The following CXCL13 variants were observed in gnomAD, a reference collection of about 807,000 sequenced individuals.
CXCL13 encodes the protein C-X-C motif chemokine ligand 13.
CXCL13 carries 7 observed loss-of-function variants against 12.2 expected under a neutral mutation model. That is an observed-to-expected ratio of 0.57 (90% CI 0.33 to 1.07). The LOEUF (loss-of-function observed/expected upper bound fraction) is 1.07, where lower values mean the gene tolerates loss of function less well. CXCL13 is among the 50% of genes least tolerant of loss of function. CXCL13 has a pLI of 0.04. For synonymous variants in CXCL13, 47 were observed against 42.4 expected (o/e 1.11, Z -0.42); for missense variants, 113 against 127.4 (o/e 0.89, Z 0.55).
intron 1 of CXCL13, among the ~76,000 whole-genome samples, chr4:77,565,121 C>T (rs1287189815): frequency 6.6e-6 from 1 of 152,198 alleles, no homozygotes; most frequent in Non-Finnish European, 1.5e-5. Flanking sequence ...AATGGAGGGG[C>T]TCAGGCTCCT....
intron 1 of CXCL13, among the ~76,000 whole-genome samples, chr4:77,568,213 C>T (rs990682368): frequency 6.6e-6 from 1 of 152,222 alleles, no homozygotes; most frequent in African/African-American, 2.4e-5. Flanking sequence ...AGATTCAACT[C>T]ACTATCCTTT....
At chr4:77,564,800 G>C (rs1037961501) in intron 1 of CXCL13, among the ~76,000 whole-genome samples, 4 of 152,202 alleles carry the variant, frequency 2.6e-5, no homozygotes, top group African/African-American at 9.7e-5. Context: ...TGATGGAGCA[G>C]ATATTGTGCG....
chr4:77,611,172 A>G lies in CXCL13; in HGVS notation c.*133A>G, dbSNP rs1727143928. 1.3e-6 allele frequency: 1 copy of G among 743,248 alleles called. No individual in the cohort carries two copies. The highest frequency in any genetic ancestry group is 1.8e-5 in the African/African-American group (1 of 57,102). 46.0% of individuals were successfully genotyped at this position (743,248 alleles called of 1,614,324 possible). The stretch of plus-strand genomic sequence containing the variant: ...AATAAGCATGAGACTATGTAAAAAT[A>G]ACCTTGCAGAAGCTGATGGGGCAAA... On this transcript the variant is annotated 3_prime_UTR_variant, in exon 4 of 4. Transcript: ENST00000682537.
intron 1 of CXCL13, among the ~76,000 whole-genome samples, chr4:77,515,700 A>T (rs1228286033): frequency 2.0e-5 from 3 of 151,552 alleles, no homozygotes; most frequent in African/African-American, 7.2e-5. Context: ...GCTTAAGAAG[A>T]TTTTGGGCTG....
At chr4:77,560,073 G>A (rs1725770185) in intron 1 of CXCL13, among the ~76,000 whole-genome samples, 1 of 151,398 alleles carries the variant, frequency 6.6e-6, no homozygotes, top group Non-Finnish European at 1.5e-5. Context: ...TTTTTTGTTG[G>A]TCTTTCTTTT....
At chr4:77,545,374 C>T (rs1440256912) in intron 1 of CXCL13, among the ~76,000 whole-genome samples, 1 of 152,174 alleles carries the variant, frequency 6.6e-6, no homozygotes, top group African/African-American at 2.4e-5. Flanking sequence ...TCTTCCTACC[C>T]ATGAGCATGG....
rs892446980 is a variant in CXCL13 at position 77,574,385 on chromosome 4, A to C, written c.-42-31439A>C. Among the ~76,000 whole-genome samples the C allele has an allele frequency of 3.3e-5, 5 of 151,828 alleles. 1 individual carries two copies. Among genetic ancestry groups the C allele is most frequent in the African/African-American group, 1.2e-4 (5 of 41,118 alleles). On this transcript the variant is annotated intron_variant, in intron 1 of 4. Transcript: ENST00000286758. ...TTGAAAGTGGACAGGTCTGTCTCAAAATCTACGGCCGTCCTATATTTTGTA... is the reference window on the plus strand; with the variant it reads ...TTGAAAGTGGACAGGTCTGTCTCAACATCTACGGCCGTCCTATATTTTGTA...
At chr4:77,567,194 C>T (rs1243455799) in intron 1 of CXCL13, among the ~76,000 whole-genome samples, 1 of 152,124 alleles carries the variant, frequency 6.6e-6, no homozygotes, top group Non-Finnish European at 1.5e-5. Context: ...CCCCTGCCCA[C>T]AAAAAAATTG....
intron 1 of CXCL13, among the ~76,000 whole-genome samples, chr4:77,558,643 G>A (rs985416413): frequency 7.9e-5 from 12 of 152,166 alleles, no homozygotes; most frequent in Admixed American, 6.5e-5. Context: ...ATGCGCCACC[G>A]CACTCAGCTG....
intron 1 of CXCL13, among the ~76,000 whole-genome samples, chr4:77,544,555 T>A (rs1189315543): frequency 6.6e-6 from 1 of 152,210 alleles, no homozygotes; most frequent in East Asian, 1.9e-4. Context: ...TTCTGAGAAG[T>A]GTCTGTTCAT....
intron 1 of CXCL13, among the ~76,000 whole-genome samples, chr4:77,550,106 C>G (rs1417186643): frequency 6.6e-6 from 1 of 152,226 alleles, no homozygotes; most frequent in Non-Finnish European, 1.5e-5. Flanking sequence ...AACTGCTGTG[C>G]TAGCAGTGAG....
chr4:77,531,125 A>ATTG (rs2054540098), intron 1 of CXCL13, among the ~76,000 whole-genome samples: 2 of 146,984 alleles, frequency 1.4e-5, no homozygotes, highest in Middle Eastern at 3.6e-3. Context: ...TATTATTATT[A>ATTG]TTATTATCAT....
chr4:77,523,190 G>C lies in CXCL13; in HGVS notation c.-43+11402G>C, dbSNP rs183191600. On this transcript the variant is annotated intron_variant, in intron 1 of 4. Transcript: ENST00000286758. ...GTGAATCTGACAATTATTTGTCTTG[G>C]GGTTGCTTTTCTCAAGGAATATCTT... Among the ~76,000 whole-genome samples, 436 of 152,120 alleles carry C rather than the reference G, an allele frequency of 2.9e-3. 4 individuals are homozygous for C. The highest frequency in any genetic ancestry group is 9.4e-3 in the African/African-American group (390 of 41,500).
At chr4:77,573,835 T>G (rs906429660) in intron 1 of CXCL13, among the ~76,000 whole-genome samples, 1 of 151,930 alleles carries the variant, frequency 6.6e-6, no homozygotes, top group African/African-American at 2.4e-5. Context: ...TCTTTTCCCC[T>G]CCATGGATAG....
chr4:77,542,442 T>A (rs1725227848), intron 1 of CXCL13, among the ~76,000 whole-genome samples: 1 of 151,804 alleles, frequency 6.6e-6, no homozygotes, highest in Non-Finnish European at 1.5e-5. Context: ...TAATTGAGAG[T>A]TTTTTCTGTG....
At chr4:77,574,592 A>G (rs1240349892) in intron 1 of CXCL13, among the ~76,000 whole-genome samples, 3 of 151,924 alleles carry the variant, frequency 2.0e-5, no homozygotes, top group Admixed American at 2.0e-4. Flanking sequence ...TTTTATTTAA[A>G]TTTTTAAAAA....
At chr4:77,555,538 T>TTATGTA (rs2109809418) in intron 1 of CXCL13, among the ~76,000 whole-genome samples, 1 of 152,096 alleles carries the variant, frequency 6.6e-6, no homozygotes, top group African/African-American at 2.4e-5. Flanking sequence ...AATAGAGACC[T>TTATGTA]AAATGTAAAA....
intron 1 of CXCL13, among the ~76,000 whole-genome samples, chr4:77,581,025 A>T (rs979553434): frequency 6.6e-6 from 1 of 151,982 alleles, no homozygotes; most frequent in South Asian, 2.1e-4. Flanking sequence ...ACACAATTTC[A>T]TTCAAATAAA....
chr4:77,518,954 G>A (rs1724501638), intron 1 of CXCL13, among the ~76,000 whole-genome samples: 2 of 152,154 alleles, frequency 1.3e-5, no homozygotes, highest in Admixed American at 6.5e-5. Context: ...TGATGGTGAT[G>A]TACAGATAGG....
Sources: allele counts gnomAD v4.1 joint callset (sites outside exome capture counted in the v4.1 genomes callset), GRCh38; gene constraint gnomAD v4.1.1; transcripts MANE v1.5; gene names NCBI Gene and HGNC (gene_info 2026-07-23, HGNC 2026-07-21).